Variants in GAD2 observed in about 807,000 individuals in gnomAD.
GAD2 encodes 65 kDa glutamic acid decarboxylase.
A neutral mutation model predicts 80.1 loss-of-function variants in GAD2; 22 were observed. The observed-to-expected ratio is 0.27, with a 90% CI of 0.20 to 0.39. The LOEUF is 0.39. GAD2 is among the 10% of genes least tolerant of loss of function. The pLI is 1.00. For missense variants in GAD2, 624 were observed against 738.4 expected (o/e 0.85, Z 1.80); for synonymous variants, 274 against 256.9 (o/e 1.07, Z -0.64).
Position 26,216,913 on chromosome 10 carries a change from G to A in GAD2, c.76+28G>A. On this transcript the variant is annotated intron_variant, in intron 1 of 15. Coordinates refer to ENST00000376261, the MANE Select transcript of GAD2 (RefSeq NM_001134366.2). This position sits in a 1 kb window ranked among gnomAD's most constrained non-coding sequence, Gnocchi z 4.7. Reference sequence around the variant, plus strand: ...AGGAAGGAGAACGGGGGCCTGCGGCGGGCGAGTTTTGCGGTGGTCTGGGGT... The same window carrying A: ...AGGAAGGAGAACGGGGGCCTGCGGCAGGCGAGTTTTGCGGTGGTCTGGGGT... 1.3e-6 allele frequency: 2 copies of A among 1,594,260 alleles called. No individual in the cohort carries two copies. Among genetic ancestry groups the A allele is most frequent in the Non-Finnish European group, 1.7e-6 (2 of 1,166,744 alleles).
chr10:26,243,009 G>C (rs1346647983), intron 7 of GAD2, among the ~76,000 whole-genome samples: 2 of 151,600 alleles, frequency 1.3e-5, no homozygotes, highest in African/African-American at 4.9e-5. Flanking sequence ...CTTCTCTTTG[G>C]GGTCGCCCAG....
chr10:26,267,754 G>A (rs977317346), intron 8 of GAD2, among the ~76,000 whole-genome samples: 4 of 149,042 alleles, frequency 2.7e-5, no homozygotes, highest in African/African-American at 7.5e-5. Flanking sequence ...ATTTTGTCAC[G>A]CCTCCTTTAT....
chr10:26,248,854 A>G (rs938331872), intron 8 of GAD2, among the ~76,000 whole-genome samples: 4 of 152,218 alleles, frequency 2.6e-5, no homozygotes, highest in Non-Finnish European at 5.9e-5. Flanking sequence ...AAGGAGAGCT[A>G]AAGTTAGAAT....
intron 15 of GAD2, among the ~76,000 whole-genome samples, chr10:26,299,434 A>C (rs913965): frequency 0.32 from 49,005 of 152,120 alleles, 11,136 homozygotes; most frequent in African/African-American, 0.65. Flanking sequence ...CCATTTGCAG[A>C]AATGAAGATC....
intron 3 of GAD2, 22 bp from the exon 4 acceptor site, chr10:26,219,021 G>C: frequency 1.3e-6 from 2 of 1,482,234 alleles, no homozygotes; most frequent in Non-Finnish European, 1.8e-6. Context: ...TTAAAATGTG[G>C]CATTTTAATT....
intron 13 of GAD2, among the ~76,000 whole-genome samples, chr10:26,291,955 C>A (rs1009059076): frequency 2.0e-5 from 3 of 152,146 alleles, no homozygotes; most frequent in Admixed American, 6.5e-5. Context: ...CCCTAAAATT[C>A]CTGCATCCAT....
chr10:26,217,926 C>CCTGCGA lies in GAD2; in HGVS notation c.223_228dup (p.Cys75_Asp76dup). 1 of 1,611,712 alleles carries CCTGCGA rather than the reference C, an allele frequency of 6.2e-7. No homozygotes were observed. Among genetic ancestry groups the CCTGCGA allele is most frequent in the Non-Finnish European group, 8.5e-7 (1 of 1,179,172 alleles). ...GCCGCCGCCCGGAAGGCCGCCTGCG[C>CCTGCGA]CTGCGACCAGAAGCCCTGCAGCTGC... On this transcript the variant is annotated inframe_insertion, in exon 3 of 16. Transcript: ENST00000376261. The surrounding 1 kb of genome is among the most constrained non-coding windows in gnomAD (Gnocchi z 4.9).
intron 11 of GAD2, among the ~76,000 whole-genome samples, chr10:26,277,595 G>A (rs1167939085): frequency 3.3e-5 from 5 of 152,220 alleles, no homozygotes; most frequent in African/African-American, 9.6e-5. Flanking sequence ...TCTTAGGAAC[G>A]TCCAGGTGCA....
intron 4 of GAD2, among the ~76,000 whole-genome samples, chr10:26,220,662 A>C (rs1214469725): frequency 6.6e-6 from 1 of 152,136 alleles, no homozygotes; most frequent in African/African-American, 2.4e-5. Context: ...TGATGCTTTT[A>C]ATTCATTTTT....
At chr10:26,232,992 G>A (rs1844624861) in intron 7 of GAD2, among the ~76,000 whole-genome samples, 1 of 152,086 alleles carries the variant, frequency 6.6e-6, no homozygotes, top group South Asian at 2.1e-4. Context: ...TATCATTTTT[G>A]ACAAATAGTT....
intron 12 of GAD2, among the ~76,000 whole-genome samples, chr10:26,281,448 T>C (rs1845271118): frequency 1.3e-5 from 2 of 152,186 alleles, no homozygotes; most frequent in South Asian, 4.1e-4. Flanking sequence ...AGATCATTTT[T>C]CCTATATAAC....
chr10:26,300,138 A>G lies in GAD2; in HGVS notation c.1585-650A>G, dbSNP rs376489528. 7.9e-5 allele frequency among the ~76,000 whole-genome samples: 12 copies of G among 152,196 alleles called. 1 individual carries two copies. In the East Asian group the frequency reaches 1.7e-3, roughly 22 times the overall value. ...AGAGCTACTGAGGCTATAATCAAAA[A>G]TCTGGCATAAATAGAGTATAATCTC... On this transcript the variant is annotated intron_variant, in intron 15 of 15. Coordinates refer to ENST00000376261, the MANE Select transcript of GAD2 (RefSeq NM_001134366.2).
rs8190684 is a variant in GAD2, at chr10:26,259,274, A to G, written c.921-9845A>G. On this transcript the variant is annotated intron_variant, in intron 8 of 15. Coordinates refer to ENST00000376261, the MANE Select transcript of GAD2 (RefSeq NM_001134366.2). The stretch of plus-strand genomic sequence containing the variant: ...TCTATCTTTAATTTTTTGAGGAACC[A>G]TCATACTTTTTCCTCAACTGTTTAT... Among the ~76,000 whole-genome samples, 476 of 152,354 alleles carry G rather than the reference A, an allele frequency of 3.1e-3. 3 individuals are homozygous for G. The highest frequency in any genetic ancestry group is 4.6e-3 in the Non-Finnish European group (313 of 68,032).
chr10:26,247,346 T>C (rs1244827342), intron 8 of GAD2, among the ~76,000 whole-genome samples: 1 of 152,046 alleles, frequency 6.6e-6, no homozygotes, highest in African/African-American at 2.4e-5. Flanking sequence ...GGCAAGGTCT[T>C]TATGACCTGT....
rs376560999 is a variant in GAD2 at position 26,263,884 on chromosome 10, C to T, written c.921-5235C>T. 5.3e-5 allele frequency among the ~76,000 whole-genome samples: 8 copies of T among 152,170 alleles called. No homozygotes were observed. The South Asian group carries it at 1.0e-3, about 20-fold the overall frequency. On this transcript the variant is annotated intron_variant, in intron 8 of 15. Coordinates refer to ENST00000376261, the MANE Select transcript of GAD2 (RefSeq NM_001134366.2). ...GGGGGCTTCCAGAAAACCACATGGA[C>T]ATTTTGCATATGTCATTACAATCCT... is the stretch of plus-strand genomic sequence containing the variant.
chr10:26,241,738 A>G (rs8190650), intron 7 of GAD2, among the ~76,000 whole-genome samples: 9,857 of 152,234 alleles, frequency 0.065, 402 homozygotes, highest in Non-Finnish European at 0.09. Context: ...GTATTGAGGT[A>G]TTTTGGAAAA....
rs1248175023 is a variant in GAD2 at position 26,302,706 on chromosome 10, C to T, written c.*1745C>T. 1 of 152,244 alleles carries T rather than the reference C, an allele frequency of 6.6e-6. No individual in the cohort carries two copies. Among genetic ancestry groups the T allele is most frequent in the Non-Finnish European group, 1.5e-5 (1 of 68,054 alleles). 9.4% of individuals were successfully genotyped at this position (152,244 alleles called of 1,614,324 possible). A position where few individuals can be genotyped will look rare whatever the true frequency, so the allele number is the denominator to read the frequency against. On this transcript the variant is annotated 3_prime_UTR_variant, in exon 16 of 16. Coordinates refer to ENST00000376261, the MANE Select transcript of GAD2 (RefSeq NM_001134366.2). ...TAATATAACCACAGGATCCAGCCAT[C>T]TGAAATTTTCATAAGCTTCCCCCTA...
At chr10:26,231,647 C>G (rs995988607) in intron 7 of GAD2, among the ~76,000 whole-genome samples, 6 of 152,156 alleles carry the variant, frequency 3.9e-5, no homozygotes, top group Admixed American at 3.9e-4. Flanking sequence ...TGATCACAAA[C>G]TTTGTGGCTT....
Position 26,276,531 on chromosome 10 carries a change from G to A in GAD2, c.1157+2831G>A, listed in dbSNP as rs147061054. 4.1e-3 allele frequency among the ~76,000 whole-genome samples: 630 copies of A among 152,134 alleles called. 7 individuals carry two copies. Among genetic ancestry groups the A allele is most frequent in the African/African-American group, 0.014 (571 of 41,500 alleles). The stretch of plus-strand genomic sequence containing the variant: ...TGAGTAGCTGGGGTTACAGGTATGC[G>A]CCACCATGCCTGGCCAATTTGTTTG... On this transcript the variant is annotated intron_variant, in intron 11 of 15. Coordinates refer to ENST00000376261, the MANE Select transcript of GAD2 (RefSeq NM_001134366.2).
Sources: allele counts gnomAD v4.1 joint callset (sites outside exome capture counted in the v4.1 genomes callset), GRCh38; gene constraint gnomAD v4.1.1; non-coding constraint Gnocchi (gnomAD v3.1); transcripts MANE v1.5; gene names NCBI Gene and HGNC (gene_info 2026-07-23, HGNC 2026-07-21).